Variants in MAP3K4 observed in about 807,000 individuals in gnomAD.
MAP3K4 encodes mitogen-activated protein kinase kinase kinase 4.
A neutral mutation model predicts 185.6 loss-of-function variants in MAP3K4; 67 were observed. The observed-to-expected ratio is 0.36, with a 90% CI of 0.30 to 0.44. The LOEUF (loss-of-function observed/expected upper bound fraction) is 0.44. Among genes scored for constraint, MAP3K4 ranks in the 20% least tolerant of loss-of-function variants. The probability of loss-of-function intolerance (pLI) is 1.00; values close to 1 mark genes in which losing one functional copy is unlikely to be tolerated. For synonymous variants in MAP3K4, 702 were observed against 710.4 expected (o/e 0.99, Z 0.19); for missense variants, 1,551 against 1,995.1 (o/e 0.78, Z 4.24).
chr6:161,116,793 A>T lies in MAP3K4; in HGVS notation c.4807-57A>T. On this transcript the variant is annotated intron_variant, in intron 26 of 26. Transcript: ENST00000392142. This position sits in a 1 kb window ranked among gnomAD's most constrained non-coding sequence, Gnocchi z 6.2. ...TCCCCGTAAGACTCATACTGCGCGT[A>T]TGCACAAGCACACACCTGGCTCTGC... The T allele has an allele frequency of 6.5e-7, 1 of 1,539,226 alleles. No individual in the cohort carries two copies. Among genetic ancestry groups the T allele is most frequent in the Non-Finnish European group, 9.0e-7 (1 of 1,112,336 alleles).
rs924835980 is a variant in MAP3K4 at position 161,061,922 on chromosome 6, G to A, written c.1708-8686G>A. 2.0e-5 allele frequency among the ~76,000 whole-genome samples: 3 copies of A among 152,094 alleles called. No individual in the cohort carries two copies. Among genetic ancestry groups the A allele is most frequent in the African/African-American group, 7.2e-5 (3 of 41,446 alleles). ...TTTGTTTTTATAAGAATTATGTGAA[G>A]TACTTGGTTTTACAAGAAAATCTAA... On this transcript the variant is annotated intron_variant, in intron 3 of 26. Transcript: ENST00000392142. This position sits in a 1 kb window ranked among gnomAD's most constrained non-coding sequence, Gnocchi z 4.2.
In MAP3K4 at chr6:161,097,731, AAGTTTAATTTT is replaced by A. The variant is rs1777633334; in HGVS notation, c.3525-545_3525-535del. Among the ~76,000 whole-genome samples, 1 of 152,134 alleles carries A rather than the reference AAGTTTAATTTT, an allele frequency of 6.6e-6. No homozygotes were observed. The highest frequency in any genetic ancestry group is 1.5e-5 in the Non-Finnish European group (1 of 68,020). On this transcript the variant is annotated intron_variant, in intron 16 of 26. Coordinates refer to ENST00000392142, the MANE Select transcript of MAP3K4 (RefSeq NM_005922.4). This position sits in a 1 kb window ranked among gnomAD's most constrained non-coding sequence, Gnocchi z 4.9. ...TCTCGCCTGTATAATCAGTTTTTAA[AAGTTTAATTTT>A]ATTTGACAATATTTGCTAGATAAGG...
intron 1 of MAP3K4, among the ~76,000 whole-genome samples, chr6:161,009,225 C>A (rs1781738745): frequency 6.6e-6 from 1 of 152,100 alleles, no homozygotes; most frequent in Admixed American, 6.5e-5. Flanking sequence ...ACCTCGTCAT[C>A]CACCCGCCTC....
chr6:161,111,776 T>TGTAACC (rs1778360632), intron 23 of MAP3K4, 60 bp from the exon 24 acceptor site: 1 of 1,517,008 alleles, frequency 6.6e-7, no homozygotes, highest in South Asian at 1.2e-5. Context: ...TAGATTACCA[T>TGTAACC]GTAACCTTGC....
chr6:161,039,292 A>AC (rs1414548844), intron 2 of MAP3K4, among the ~76,000 whole-genome samples: 1 of 151,840 alleles, frequency 6.6e-6, no homozygotes, highest in East Asian at 1.9e-4. Flanking sequence ...AAAAAAAAAA[A>AC]AAAAAAAACA....
Position 161,026,733 on chromosome 6 carries a change from C to CTTTTTTTT in MAP3K4, c.153-7509_153-7502dup, listed in dbSNP as rs553664182. Among the ~76,000 whole-genome samples the CTTTTTTTT allele has an allele frequency of 2.7e-4, 26 of 96,096 alleles. 1 individual carries two copies. The highest frequency in any genetic ancestry group is 4.9e-4 in the African/African-American group (11 of 22,290). The allele number at this position is 96,096 out of a possible 152,430, so 63.0% of individuals were successfully genotyped here. Reference sequence around the variant, plus strand: ...TGGAATGCCCAAAGGGTTCTCTCTCCTTTTTTTTTTTTTTTTTTTTTTTTG... The same window carrying CTTTTTTTT: ...TGGAATGCCCAAAGGGTTCTCTCTCCTTTTTTTTTTTTTTTTTTTTTTTTTTTTTTTTG... On this transcript the variant is annotated intron_variant, in intron 1 of 26. Transcript: ENST00000392142.
intron 3 of MAP3K4, among the ~76,000 whole-genome samples, chr6:161,060,214 C>T (rs1272712721): frequency 6.6e-6 from 1 of 152,020 alleles, no homozygotes; most frequent in Admixed American, 6.6e-5. Flanking sequence ...TTAGATATTG[C>T]TATAAGGATA....
rs1272441769 is a variant in MAP3K4, at chr6:161,063,050, GT to G, written c.1708-7556del. Among the ~76,000 whole-genome samples the G allele has an allele frequency of 6.6e-6, 1 of 151,592 alleles. No homozygotes were observed. The highest frequency in any genetic ancestry group is 2.4e-5 in the African/African-American group (1 of 41,304). On this transcript the variant is annotated intron_variant, in intron 3 of 26. Transcript: ENST00000392142. The surrounding 1 kb of genome is among the most constrained non-coding windows in gnomAD (Gnocchi z 5.4). ...TTTCTTTTTCTTAGTTTCTTTTTGA[GT>G]TATAAAGTTTTCTTTTGTTGACCTC...
In MAP3K4 at chr6:161,100,380, C is replaced by T. The variant is rs1170635483; in HGVS notation, c.3675-1512C>T. 6.6e-6 allele frequency among the ~76,000 whole-genome samples: 1 copy of T among 152,252 alleles called. No individual in the cohort carries two copies. ...ACAGATACATCAAAGTTCAACTTCA[C>T]TTGACCCTAGAGGTTTCAATAAGTA... On this transcript the variant is annotated intron_variant, in intron 17 of 26. Transcript: ENST00000392142. This position sits in a 1 kb window ranked among gnomAD's most constrained non-coding sequence, Gnocchi z 5.8.
At position 161,097,102 on chromosome 6, in the gene MAP3K4, T is replaced by G. The variant is rs1213995594; in HGVS notation, c.3450T>G (p.Arg1150=). ...CAGCCATTCATCGGAACAGCCCCCGTCCTATGAAGGTACCTCGATGCCATA... is the reference window on the plus strand; with the variant it reads ...CAGCCATTCATCGGAACAGCCCCCGGCCTATGAAGGTACCTCGATGCCATA... ...LYLAIHRNSP[R]PMKVPRCHSD... Residue 1150 remains arginine (R), a synonymous_variant, in exon 16 of 27, where the codon CGT becomes CGG. Coordinates refer to ENST00000392142, the MANE Select transcript of MAP3K4 (RefSeq NM_005922.4). The surrounding 1 kb of genome is among the most constrained non-coding windows in gnomAD (Gnocchi z 4.9). 6.2e-7 allele frequency: 1 copy of G among 1,614,068 alleles called. No individual in the cohort carries two copies. The highest frequency in any genetic ancestry group is 8.5e-7 in the Non-Finnish European group (1 of 1,180,030).
intron 2 of MAP3K4, among the ~76,000 whole-genome samples, chr6:161,035,912 G>A (rs549728021): frequency 1.3e-5 from 2 of 152,288 alleles, no homozygotes; most frequent in South Asian, 4.1e-4. Context: ...CTGAGGCCCA[G>A]GGCTTCAGAG....
chr6:161,057,167 C>G (rs113594188), intron 3 of MAP3K4, among the ~76,000 whole-genome samples: 1 of 152,232 alleles, frequency 6.6e-6, no homozygotes, highest in Non-Finnish European at 1.5e-5. Context: ...CAATGAAATA[C>G]TCTTTGTGTT....
intron 1 of MAP3K4, among the ~76,000 whole-genome samples, chr6:161,025,018 C>CCCAT (rs199707447): frequency 2.0e-5 from 3 of 151,394 alleles, no homozygotes; most frequent in Admixed American, 2.0e-4. Flanking sequence ...CATCCATCCA[C>CCCAT]CCATCCATCC....
In MAP3K4 at chr6:161,087,771, C is replaced by T; in HGVS notation, c.2640C>T (p.Leu880=). 1 of 1,613,362 alleles carries T rather than the reference C, an allele frequency of 6.2e-7. No individual in the cohort carries two copies. The highest frequency in any genetic ancestry group is 8.5e-7 in the Non-Finnish European group (1 of 1,179,298). ...AEEKSIILQL[L]NAAAGKDCSK... ...AGAAGAGTATTATTTTGCAGTTACT[C>T]AATGCAGCTGCAGGAAAGGACTGTT... Residue 880 remains leucine (L), a synonymous_variant, in exon 10 of 27, where the codon CTC becomes CTT. Coordinates refer to ENST00000392142, the MANE Select transcript of MAP3K4 (RefSeq NM_005922.4). The surrounding 1 kb of genome is among the most constrained non-coding windows in gnomAD (Gnocchi z 4.9).
At position 161,101,751 on chromosome 6, in the gene MAP3K4, T is replaced by A; in HGVS notation, c.3675-141T>A. 1.5e-6 allele frequency: 1 copy of A among 680,190 alleles called. No homozygotes were observed. The highest frequency in any genetic ancestry group is 2.5e-6 in the Non-Finnish European group (1 of 396,384). The allele number at this position is 680,190 out of a possible 1,614,324, so 42.1% of individuals were successfully genotyped here. On this transcript the variant is annotated intron_variant, in intron 17 of 26. Transcript: ENST00000392142. The surrounding 1 kb of genome is among the most constrained non-coding windows in gnomAD (Gnocchi z 5.1). ...CCAGTAGCACCCTCCCAAAAGTGTC[T>A]AATACATTGCTGGAGGCAGAGTTGT... is the stretch of plus-strand genomic sequence containing the variant.
rs908614865 is a variant in MAP3K4 at position 161,075,198 on chromosome 6, A to G, written c.2097+1586A>G. Reference sequence around the variant, plus strand: ...GAGATAGAGTTTTGCTCTGTCACCTAGACTGAAACGCAGTGGTGTGTTGAC... The same window carrying G: ...GAGATAGAGTTTTGCTCTGTCACCTGGACTGAAACGCAGTGGTGTGTTGAC... On this transcript the variant is annotated intron_variant, in intron 5 of 26. Coordinates refer to ENST00000392142, the MANE Select transcript of MAP3K4 (RefSeq NM_005922.4). This position sits in a 1 kb window ranked among gnomAD's most constrained non-coding sequence, Gnocchi z 4.3. Among the ~76,000 whole-genome samples, 2 of 152,230 alleles carry G rather than the reference A, an allele frequency of 1.3e-5. No homozygotes were observed. The highest frequency in any genetic ancestry group is 2.9e-5 in the Non-Finnish European group (2 of 68,032).
rs897716447 is a variant in MAP3K4 at position 161,007,699 on chromosome 6, G to T, written c.152+15616G>T. On this transcript the variant is annotated intron_variant, in intron 1 of 26. Coordinates refer to ENST00000392142, the MANE Select transcript of MAP3K4 (RefSeq NM_005922.4). The surrounding 1 kb of genome is among the most constrained non-coding windows in gnomAD (Gnocchi z 4.5). The stretch of plus-strand genomic sequence containing the variant: ...AAAAAAATTGCTTTGGTTCATATTT[G>T]GTGCTTCTGCTCTTTAATAGGCTTT... Among the ~76,000 whole-genome samples the T allele has an allele frequency of 2.0e-5, 3 of 152,104 alleles. No individual in the cohort carries two copies. The highest frequency in any genetic ancestry group is 7.2e-5 in the African/African-American group (3 of 41,406).
Position 161,115,106 on chromosome 6 carries a change from A to G in MAP3K4, c.4627-17A>G, listed in dbSNP as rs373799604. 124 of 1,590,276 alleles carry G rather than the reference A, an allele frequency of 7.8e-5. No homozygotes were observed. The highest frequency in any genetic ancestry group is 1.0e-4 in the Non-Finnish European group (118 of 1,166,098). On this transcript the variant is annotated splice_polypyrimidine_tract_variant and intron_variant, in intron 25 of 26. Coordinates refer to ENST00000392142, the MANE Select transcript of MAP3K4 (RefSeq NM_005922.4). The surrounding 1 kb of genome is among the most constrained non-coding windows in gnomAD (Gnocchi z 6.0). ...GTGTAATATTAAAATCTGATTTTTTAAAAACATCTTTTTTAGAGGCCTTGG... is the reference window on the plus strand; with the variant it reads ...GTGTAATATTAAAATCTGATTTTTTGAAAACATCTTTTTTAGAGGCCTTGG...
intron 1 of MAP3K4, among the ~76,000 whole-genome samples, chr6:161,028,670 A>T (rs543830545): frequency 1.7e-3 from 254 of 150,900 alleles, no homozygotes; most frequent in African/African-American, 6.0e-3. Flanking sequence ...TTTTTTTTTT[A>T]AATCTACATT....
Sources: allele counts gnomAD v4.1 joint callset (sites outside exome capture counted in the v4.1 genomes callset), GRCh38; gene constraint gnomAD v4.1.1; non-coding constraint Gnocchi (gnomAD v3.1); transcripts MANE v1.5; gene names NCBI Gene and HGNC (gene_info 2026-07-23, HGNC 2026-07-21).